GDE1: variants seen among roughly 807,000 people sequenced by gnomAD.
GDE1 encodes the protein RGS16-interacting membrane protein.
Under a neutral mutation model 32.2 loss-of-function variants are expected in GDE1, and 24 were observed. The observed-to-expected ratio is 0.75, with a 90% CI of 0.54 to 1.05. The LOEUF (loss-of-function observed/expected upper bound fraction) is 1.05, where lower values mean the gene tolerates loss of function less well. Among genes scored for constraint, GDE1 ranks in the 50% least tolerant of loss-of-function variants. The pLI, the probability that GDE1 is intolerant of heterozygous loss-of-function variation, is 0.00. For missense variants in GDE1, 380 were observed against 415.0 expected (o/e 0.92, Z 0.73); for synonymous variants, 159 against 158.6 (o/e 1.00, Z -0.02).
chr16:19,507,961 G>C (rs1434299256), intron 3 of GDE1, among the ~76,000 whole-genome samples, 182 bp from the exon 4 acceptor site: 2 of 152,204 alleles, frequency 1.3e-5, no homozygotes, highest in African/African-American at 2.4e-5. Flanking sequence ...ACTCACACCA[G>C]CAGCAAACAA....
chr16:19,511,467 T>TA (rs1969318182), intron 2 of GDE1, among the ~76,000 whole-genome samples: 1 of 152,204 alleles, frequency 6.6e-6, no homozygotes, highest in African/African-American at 2.4e-5. Context: ...GCTATACACT[T>TA]AGACATATTT....
At chr16:19,521,599 G>A (rs772456313) in intron 1 of GDE1, 105 bp downstream of exon 1, 18 of 1,284,328 alleles carry the variant, frequency 1.4e-5, no homozygotes, top group African/African-American at 5.9e-5. Flanking sequence ...GTGGACGAAT[G>A]AGGAAGTGGG....
chr16:19,512,958 T>C (rs1270262348), intron 2 of GDE1, among the ~76,000 whole-genome samples: 1 of 151,662 alleles, frequency 6.6e-6, no homozygotes, highest in African/African-American at 2.4e-5. Flanking sequence ...TGTGTGTGTG[T>C]GTGTGTGTGT....
At position 19,512,927 on chromosome 16, in the gene GDE1, TTG is replaced by T. The variant is rs144957791; in HGVS notation, c.438-1985_438-1984del. ...TATTCCACTGGTCTATGTATCTGTT[TTG>T]TGTGTGTGTGTGTGTGTGTGTGTGT... On this transcript the variant is annotated intron_variant, in intron 2 of 5. Coordinates refer to ENST00000353258, the MANE Select transcript of GDE1 (RefSeq NM_016641.4). Among the ~76,000 whole-genome samples, 766 of 137,068 alleles carry T rather than the reference TTG, an allele frequency of 5.6e-3. 2 individuals carry two copies. The highest frequency in any genetic ancestry group is 0.016 in the South Asian group (66 of 4,054). 89.9% of individuals were successfully genotyped at this position (137,068 alleles called of 152,430 possible).
Position 19,504,943 on chromosome 16 carries a change from A to G in GDE1, c.786T>C (p.His262=). ...MMDILLDWSM[H]NILWYLCGIS... is the part of the protein sequence containing the mutation. ...TTCCACACAGGTACCACAAGATATT[A>G]TGCATGCTCCAATCGAGCAAAATGT... Residue 262 remains histidine, a synonymous_variant, in exon 5 of 6, where the codon CAT becomes CAC. Coordinates refer to ENST00000353258, the MANE Select transcript of GDE1 (RefSeq NM_016641.4). 1.2e-6 allele frequency: 2 copies of G among 1,613,564 alleles called. No individual in the cohort carries two copies. The highest frequency in any genetic ancestry group is 1.7e-6 in the Non-Finnish European group (2 of 1,179,456).
intron 1 of GDE1, among the ~76,000 whole-genome samples, chr16:19,520,265 G>A (rs911124503): frequency 6.6e-6 from 1 of 151,830 alleles, no homozygotes; most frequent in African/African-American, 2.4e-5. Context: ...GGCCGGGCAC[G>A]GTGGCTCATG....
At chr16:19,519,988 G>A (rs192165127) in intron 1 of GDE1, among the ~76,000 whole-genome samples, 133 of 150,620 alleles carry the variant, frequency 8.8e-4, no homozygotes, top group Admixed American at 9.9e-4. Flanking sequence ...CTCAAACCTG[G>A]GTGACAGAGA....
chr16:19,506,080 C>T (rs1431508517), intron 4 of GDE1, among the ~76,000 whole-genome samples: 1 of 152,140 alleles, frequency 6.6e-6, no homozygotes, highest in Non-Finnish European at 1.5e-5. Flanking sequence ...TGTCAAGTGC[C>T]TCCTGACGGA....
At chr16:19,504,629 T>A in intron 5 of GDE1, 1 of 417,602 alleles carries the variant, frequency 2.4e-6, no homozygotes, top group Non-Finnish European at 4.3e-6. Context: ...TTGCTCAGCA[T>A]AGTGTCACAG....
chr16:19,505,128 T>C lies in GDE1; in HGVS notation c.637-36A>G, dbSNP rs1234447270. 4.4e-6 allele frequency: 6 copies of C among 1,364,614 alleles called. No homozygotes were observed. The Admixed American group carries it at 1.0e-4, about 23-fold the overall frequency. The allele number at this position is 1,364,614 out of a possible 1,614,324, so 84.5% of individuals were successfully genotyped here. A position where few individuals can be genotyped will look rare whatever the true frequency, so the allele number is the denominator to read the frequency against. ...ATTTGGGGAAGTAAAATAATGATCA[T>C]ATGTAAAGTTGAATACTTATTAGTT... is the stretch of plus-strand genomic sequence containing the variant. On this transcript the variant is annotated intron_variant, in intron 4 of 5. Coordinates refer to ENST00000353258, the MANE Select transcript of GDE1 (RefSeq NM_016641.4).
chr16:19,504,299 G>T, intron 5 of GDE1: 1 of 153,340 alleles, frequency 6.5e-6, no homozygotes, highest in Admixed American at 6.5e-5. Context: ...TTTACCCACT[G>T]CATCTTCAGC....
chr16:19,521,002 G>T (rs936804172), intron 1 of GDE1, among the ~76,000 whole-genome samples: 1 of 152,146 alleles, frequency 6.6e-6, no homozygotes, highest in Non-Finnish European at 1.5e-5. Context: ...AGGTGATAAG[G>T]AAATGACTCA....
intron 1 of GDE1, 54 bp downstream of exon 1, chr16:19,521,650 A>C: frequency 6.3e-7 from 1 of 1,577,292 alleles, no homozygotes; most frequent in African/African-American, 1.3e-5. Context: ...GGGAAGGAAA[A>C]GTAGAAGTCC....
At position 19,507,775 on chromosome 16, in the gene GDE1, G is replaced by A. The variant is rs766622096; in HGVS notation, c.548C>T (p.Thr183Ile). ...FDVKGHAHKA[T>I]EALKKMYMEF... Reference sequence around the variant, plus strand: ...CATATACATTTTCTTTAGAGCCTCAGTAGCCTGTAAAATAAAGAGATTCAT... The same window carrying A: ...CATATACATTTTCTTTAGAGCCTCAATAGCCTGTAAAATAAAGAGATTCAT... The change falls in exon 4 of 6, where the codon ACT becomes ATT. Residue 183 changes from threonine to isoleucine, a missense_variant. By Grantham distance (89) the Thr-to-Ile change is moderately conservative. Coordinates refer to ENST00000353258, the MANE Select transcript of GDE1 (RefSeq NM_016641.4). 9.9e-6 allele frequency: 14 copies of A among 1,413,664 alleles called. No individual in the cohort carries two copies. In the South Asian group the frequency reaches 1.5e-4, roughly 15 times the overall value. 87.6% of individuals were successfully genotyped at this position (1,413,664 alleles called of 1,614,324 possible).
chr16:19,511,096 C>A, intron 2 of GDE1, 152 bp from the exon 3 acceptor site: 8 of 441,470 alleles, frequency 1.8e-5, no homozygotes, highest in East Asian at 3.9e-5. Flanking sequence ...AGATACTTTA[C>A]TTTAAGATTT....
intron 4 of GDE1, among the ~76,000 whole-genome samples, chr16:19,506,427 A>T (rs1007213461): frequency 6.6e-6 from 1 of 152,190 alleles, no homozygotes; most frequent in Non-Finnish European, 1.5e-5. Context: ...AGGCAGGCAG[A>T]TCACCTGAGG....
intron 3 of GDE1, 138 bp from the exon 4 acceptor site, chr16:19,507,917 G>A: frequency 1.7e-6 from 1 of 576,188 alleles, no homozygotes; most frequent in East Asian, 2.9e-5. Flanking sequence ...TGAAAGTATT[G>A]GTAGAGTCTA....
chr16:19,514,233 T>C (rs1252100909), intron 2 of GDE1, among the ~76,000 whole-genome samples: 2 of 152,120 alleles, frequency 1.3e-5, no homozygotes, highest in Non-Finnish European at 2.9e-5. Flanking sequence ...TACAGGTTTA[T>C]TATAAAGTAT....
At position 19,521,908 on chromosome 16, in the gene GDE1, T is replaced by C; in HGVS notation, c.57A>G (p.Leu19=). The C allele has an allele frequency of 6.3e-7, 1 of 1,595,504 alleles. No individual in the cohort carries two copies. The highest frequency in any genetic ancestry group is 8.5e-7 in the Non-Finnish European group (1 of 1,171,930). Residue 19 remains leucine (L), a synonymous_variant, in exon 1 of 6, where the codon CTA becomes CTG. Coordinates refer to ENST00000353258, the MANE Select transcript of GDE1 (RefSeq NM_016641.4). Reference sequence around the variant, plus strand: ...GGCTCCGCGTCACCAGCAGCAGCACTAGCAGCAGGAAGGAGAAAGGGCCCA... The same window carrying C: ...GGCTCCGCGTCACCAGCAGCAGCACCAGCAGCAGGAAGGAGAAAGGGCCCA... ...GLLGPFSFLL[L]VLLLVTRSPV... is the part of the protein sequence containing the mutation.
Sources: allele counts gnomAD v4.1 joint callset (sites outside exome capture counted in the v4.1 genomes callset), GRCh38; gene constraint gnomAD v4.1.1; transcripts MANE v1.5; gene names NCBI Gene and HGNC (gene_info 2026-07-23, HGNC 2026-07-21).